DDB1: variants seen among roughly 807,000 people sequenced by gnomAD.
DDB1 encodes the protein DNA damage-binding protein 1.
Under a neutral mutation model 133.1 loss-of-function variants are expected in DDB1, and 18 were observed. The ratio of observed to expected loss-of-function variants is 0.14; its 90% confidence interval spans 0.09 to 0.20. The LOEUF (loss-of-function observed/expected upper bound fraction) is 0.20, where lower values mean the gene tolerates loss of function less well. Among genes scored for constraint, DDB1 ranks in the 10% least tolerant of loss-of-function variants. The probability of loss-of-function intolerance (pLI) is 1.00; values close to 1 mark genes in which losing one functional copy is unlikely to be tolerated. For synonymous variants in DDB1, 580 were observed against 550.5 expected (o/e 1.05, Z -0.75); for missense variants, 828 against 1,459.2 (o/e 0.57, Z 7.05).
chr11:61,318,177 T>C (rs945141373), intron 10 of DDB1, among the ~76,000 whole-genome samples: 7 of 152,246 alleles, frequency 4.6e-5, no homozygotes, highest in African/African-American at 1.7e-4. Flanking sequence ...CAGTATTTAA[T>C]TGTGTAAATC....
At chr11:61,316,622 A>C (rs1856071774) in intron 10 of DDB1, 55 bp from the exon 11 acceptor site, 1 of 1,582,740 alleles carries the variant, frequency 6.3e-7, no homozygotes, top group African/African-American at 1.3e-5. Flanking sequence ...CTTAGCATGC[A>C]TATCTACGGA....
intron 21 of DDB1, among the ~76,000 whole-genome samples, chr11:61,304,954 T>C (rs1042283176): frequency 5.9e-5 from 9 of 151,632 alleles, no homozygotes; most frequent in Admixed American, 1.3e-4. Context: ...TACAACCACA[T>C]CTCCAAAAGA....
chr11:61,308,904 C>A, intron 21 of DDB1, 79 bp downstream of exon 21: 1 of 1,400,546 alleles, frequency 7.1e-7, no homozygotes, highest in South Asian at 1.2e-5. Context: ...CACACGTGGC[C>A]CCAGACAACC....
At chr11:61,300,781 G>T in intron 26 of DDB1, 28 bp downstream of exon 26, 1 of 1,613,682 alleles carries the variant, frequency 6.2e-7, no homozygotes, top group Non-Finnish European at 8.5e-7. Flanking sequence ...GACTTGTCTG[G>T]CCCAGGGTTA....
intron 5 of DDB1, 196 bp from the exon 6 acceptor site, chr11:61,325,904 G>A (rs893521905): frequency 1.5e-6 from 1 of 649,572 alleles, no homozygotes; most frequent in African/African-American, 1.8e-5. Flanking sequence ...ATCTAATCCT[G>A]GTAGTATTTT....
chr11:61,326,657 C>T (rs1281172833), intron 5 of DDB1, 122 bp downstream of exon 5: 5 of 804,230 alleles, frequency 6.2e-6, no homozygotes, highest in Non-Finnish European at 1.1e-5. Context: ...GAGTGGTAAA[C>T]AATGCACACC....
intron 16 of DDB1, among the ~76,000 whole-genome samples, 196 bp from the exon 17 acceptor site, chr11:61,312,280 G>A (rs1195072453): frequency 1.3e-5 from 2 of 152,208 alleles, no homozygotes; most frequent in African/African-American, 4.8e-5. Context: ...GTCTGGGTGA[G>A]CCTAGGCTGA....
chr11:61,316,857 G>A (rs973430618), intron 10 of DDB1, among the ~76,000 whole-genome samples: 2 of 142,020 alleles, frequency 1.4e-5, no homozygotes, highest in Admixed American at 1.4e-4. Context: ...TTAGGAGAAA[G>A]AGGCTGCAGC....
intron 21 of DDB1, among the ~76,000 whole-genome samples, chr11:61,304,819 A>G (rs1855858789): frequency 1.3e-5 from 2 of 151,386 alleles, no homozygotes; most frequent in South Asian, 4.2e-4. Flanking sequence ...CGGAGCTTGC[A>G]GTGAGCCAAG....
chr11:61,301,909 C>A, intron 25 of DDB1: 1 of 189,698 alleles, frequency 5.3e-6, no homozygotes. Flanking sequence ...GACACTGTTG[C>A]CCTCAACCAA....
chr11:61,311,576 A>G (rs2134907922), intron 18 of DDB1, among the ~76,000 whole-genome samples: 1 of 152,280 alleles, frequency 6.6e-6, no homozygotes, highest in East Asian at 1.9e-4. Context: ...ACCAAGTAGG[A>G]ACTGTTTTTT....
Position 61,329,552 on chromosome 11 carries a change from A to G in DDB1, c.360T>C (p.Ile120=). ...DRIGRPSETG[I]IGIIDPECRM... ...GGCACTCAGGGTCAATGATGCCAAT[A>G]ATGCCGGTCTCTGAGGGGCGGCCAA... is the stretch of plus-strand genomic sequence containing the variant. Residue 120 remains isoleucine, a synonymous_variant, in exon 4 of 27, where the codon ATT becomes ATC. Transcript: ENST00000301764. 1.2e-6 allele frequency: 2 copies of G among 1,614,094 alleles called. No homozygotes were observed. Among genetic ancestry groups the G allele is most frequent in the Non-Finnish European group, 1.7e-6 (2 of 1,179,956 alleles).
At chr11:61,327,100 T>TC (rs1474681476) in intron 4 of DDB1, among the ~76,000 whole-genome samples, 8 of 152,176 alleles carry the variant, frequency 5.3e-5, no homozygotes. Context: ...GATCTACCAT[T>TC]CTTAACAATT....
chr11:61,326,908 TA>T lies in DDB1; in HGVS notation c.550-16del. On this transcript the variant is annotated splice_polypyrimidine_tract_variant and intron_variant, in intron 4 of 26. Coordinates refer to ENST00000301764, the MANE Select transcript of DDB1 (RefSeq NM_001923.5). The stretch of plus-strand genomic sequence containing the variant: ...CCCTGAGGGTCCTGGGGGGGAAAGG[TA>T]AAATGGTTAGCCCTTAGGAAGGGTG... The T allele has an allele frequency of 1.3e-6, 2 of 1,597,206 alleles. No homozygotes were observed. Among genetic ancestry groups the T allele is most frequent in the Non-Finnish European group, 1.7e-6 (2 of 1,164,930 alleles).
chr11:61,326,464 T>C (rs933497432), intron 5 of DDB1, among the ~76,000 whole-genome samples: 1 of 152,136 alleles, frequency 6.6e-6, no homozygotes, highest in Non-Finnish European at 1.5e-5. Context: ...TTAAATGTTA[T>C]GCCCAGCAAT....
chr11:61,310,260 C>T (rs755619744), intron 19 of DDB1, 35 bp downstream of exon 19: 14 of 1,590,218 alleles, frequency 8.8e-6, no homozygotes, highest in Non-Finnish European at 1.2e-5. Context: ...TTAGGGAGGG[C>T]GTAGATAAAA....
chr11:61,314,829 T>C (rs1049536544), intron 12 of DDB1: 2 of 153,214 alleles, frequency 1.3e-5, no homozygotes, highest in African/African-American at 5.1e-5. Context: ...TTGGCTTTTT[T>C]TTTTTTTTTT....
chr11:61,301,098 T>C (rs1855785314), intron 25 of DDB1, 166 bp from the exon 26 acceptor site: 1 of 974,338 alleles, frequency 1.0e-6, no homozygotes, highest in African/African-American at 1.6e-5. Flanking sequence ...GAAAAAAATG[T>C]AAAAATATGA....
intron 10 of DDB1, among the ~76,000 whole-genome samples, chr11:61,320,127 GT>G (rs1048922254): frequency 2.6e-5 from 4 of 151,662 alleles, no homozygotes; most frequent in Non-Finnish European, 5.9e-5. Context: ...GTCTATAGTA[GT>G]TTTTTAGTTG....
Sources: allele counts gnomAD v4.1 joint callset (sites outside exome capture counted in the v4.1 genomes callset), GRCh38; gene constraint gnomAD v4.1.1; transcripts MANE v1.5; gene names NCBI Gene and HGNC (gene_info 2026-07-23, HGNC 2026-07-21).